The following GPC6 variants were observed in gnomAD, a reference collection of about 807,000 sequenced individuals.
The protein encoded by GPC6 is glypican-6.
In GPC6, 14 loss-of-function variants were observed where a neutral mutation model predicts 55.2. That is an observed-to-expected ratio of 0.25 (90% confidence interval 0.17 to 0.40). The LOEUF is 0.40. Among genes scored for constraint, GPC6 ranks in the 10% least tolerant of loss-of-function variants. The pLI is 1.00. For missense variants in GPC6, 641 were observed against 708.5 expected (o/e 0.90, Z 1.08); for synonymous variants, 278 against 259.6 (o/e 1.07, Z -0.68).
At chr13:93,224,718 A>G (rs1875711805), upstream of GPC6, among the ~76,000 whole-genome samples, 1 of 152,106 alleles carries the variant, frequency 6.6e-6, no homozygotes, top group African/African-American at 2.4e-5. Context: ...TGTGGCTCTC[A>G]GTGTTAACTG....
chr13:93,592,400 T>A (rs61286417), intron 2 of GPC6, among the ~76,000 whole-genome samples: 17,232 of 146,780 alleles, frequency 0.12, 2,293 homozygotes, highest in African/African-American at 0.32. Context: ...TATTAATATA[T>A]AAATATAAAT....
chr13:94,074,976 G>C (rs1439686196), intron 4 of GPC6, among the ~76,000 whole-genome samples: 1 of 152,138 alleles, frequency 6.6e-6, no homozygotes. Context: ...AACAAATAAA[G>C]TGGCTGGCCT....
At chr13:94,124,868 A>G (rs1014324110) in intron 4 of GPC6, among the ~76,000 whole-genome samples, 2 of 152,156 alleles carry the variant, frequency 1.3e-5, no homozygotes, top group African/African-American at 2.4e-5. Context: ...TTTCTCCCCA[A>G]ATGGAATGGC....
intron 4 of GPC6, among the ~76,000 whole-genome samples, chr13:94,080,983 G>C (rs1885077929): frequency 6.6e-6 from 1 of 152,164 alleles, no homozygotes; most frequent in African/African-American, 2.4e-5. Flanking sequence ...GAACCTCATT[G>C]ATAGCAGCTA....
chr13:94,231,700 A>C (rs2139013927), intron 4 of GPC6, among the ~76,000 whole-genome samples: 1 of 152,330 alleles, frequency 6.6e-6, no homozygotes, highest in South Asian at 2.1e-4. Flanking sequence ...GCAGAGTGAT[A>C]GCAAATGATC....
intron 1 of GPC6, among the ~76,000 whole-genome samples, chr13:93,400,468 C>A (rs1876029964): frequency 7.5e-6 from 1 of 132,574 alleles, no homozygotes. Flanking sequence ...GTGGCGGGGA[C>A]AGGGTGGGGG....
intron 4 of GPC6, among the ~76,000 whole-genome samples, chr13:94,054,089 T>C (rs1362751644): frequency 2.0e-5 from 3 of 152,176 alleles, no homozygotes; most frequent in African/African-American, 7.2e-5. Context: ...TCTAATGCTT[T>C]GTTCACCAGA....
chr13:93,720,093 TC>T (rs1247225490), intron 2 of GPC6, among the ~76,000 whole-genome samples: 4 of 152,186 alleles, frequency 2.6e-5, no homozygotes, highest in Non-Finnish European at 5.9e-5. Flanking sequence ...GATGCTGGCC[TC>T]ATAAAATGAG....
At chr13:93,916,475 G>C (rs898747895) in intron 3 of GPC6, among the ~76,000 whole-genome samples, 8 of 152,140 alleles carry the variant, frequency 5.3e-5, no homozygotes, top group Non-Finnish European at 1.0e-4. Flanking sequence ...CTGACAGTAA[G>C]TGTAATTCCA....
At chr13:93,902,116 T>G (rs1020151888) in intron 3 of GPC6, among the ~76,000 whole-genome samples, 4 of 152,108 alleles carry the variant, frequency 2.6e-5, no homozygotes, top group African/African-American at 9.7e-5. Flanking sequence ...AATTACAGTA[T>G]TGTTTTCCAT....
chr13:94,161,649 T>C (rs1179205975), intron 4 of GPC6, among the ~76,000 whole-genome samples: 2 of 152,112 alleles, frequency 1.3e-5, no homozygotes, highest in African/African-American at 4.8e-5. Context: ...GTAAAGAGTA[T>C]GGCCATTCAT....
rs143087223 is a variant in GPC6, at chr13:93,942,784, A to G, written c.712-84945A>G. ...TTTAGGGATCTACATACTGCCAACT[A>G]CACTAATAGTACATTCAAACTTCTT... On this transcript the variant is annotated intron_variant, in intron 3 of 8. Coordinates refer to ENST00000377047, the MANE Select transcript of GPC6 (RefSeq NM_005708.5). 8.5e-5 allele frequency among the ~76,000 whole-genome samples: 13 copies of G among 152,302 alleles called. No homozygotes were observed. In the East Asian group the frequency reaches 2.3e-3, roughly 27 times the overall value.
At chr13:93,652,354 T>C (rs1880454221) in intron 2 of GPC6, among the ~76,000 whole-genome samples, 1 of 152,198 alleles carries the variant, frequency 6.6e-6, no homozygotes, top group Non-Finnish European at 1.5e-5. Flanking sequence ...ACTCACCTTA[T>C]GTCTTTCCCC....
intron 2 of GPC6, among the ~76,000 whole-genome samples, chr13:93,752,590 G>C (rs1179276851): frequency 6.6e-6 from 1 of 152,154 alleles, no homozygotes; most frequent in South Asian, 2.1e-4. Flanking sequence ...CTTTGGGAAA[G>C]GTTTGATTAC....
At chr13:94,228,203 A>C (rs1391170029) in intron 4 of GPC6, among the ~76,000 whole-genome samples, 1 of 152,148 alleles carries the variant, frequency 6.6e-6, no homozygotes, top group Non-Finnish European at 1.5e-5. Context: ...ACTTATGCAG[A>C]GTAATCCTTT....
At chr13:93,925,473 T>A (rs1877809568) in intron 3 of GPC6, among the ~76,000 whole-genome samples, 1 of 152,196 alleles carries the variant, frequency 6.6e-6, no homozygotes, top group African/African-American at 2.4e-5. Flanking sequence ...AGTTTCCTGA[T>A]AAAAGTTGTA....
chr13:93,708,938 A>C (rs1882950927), intron 2 of GPC6, among the ~76,000 whole-genome samples: 1 of 151,780 alleles, frequency 6.6e-6, no homozygotes, highest in South Asian at 2.1e-4. Flanking sequence ...TGCCCAAGCC[A>C]CACAGGGAGA....
At chr13:93,608,276 A>G (rs1878327621) in intron 2 of GPC6, among the ~76,000 whole-genome samples, 1 of 152,032 alleles carries the variant, frequency 6.6e-6, no homozygotes, top group African/African-American at 2.4e-5. Flanking sequence ...GTTTCCATTT[A>G]CTATTCAATT....
chr13:93,466,975 A>G (rs912911582), intron 1 of GPC6, among the ~76,000 whole-genome samples: 1 of 152,198 alleles, frequency 6.6e-6, no homozygotes, highest in Non-Finnish European at 1.5e-5. Flanking sequence ...ACTGACAAAG[A>G]AAGGGGAGTC....
Sources: allele counts gnomAD v4.1 joint callset (sites outside exome capture counted in the v4.1 genomes callset), GRCh38; gene constraint gnomAD v4.1.1; transcripts MANE v1.5; gene names NCBI Gene and HGNC (gene_info 2026-07-23, HGNC 2026-07-21).